Variants in MAGI2 observed in about 807,000 individuals in gnomAD.
The protein encoded by MAGI2 is membrane-associated guanylate kinase, WW and PDZ domain-containing protein 2.
MAGI2 carries 35 observed loss-of-function variants against 133.3 expected under a neutral mutation model. The ratio of observed to expected loss-of-function variants is 0.26; its 90% CI spans 0.20 to 0.35. The LOEUF (loss-of-function observed/expected upper bound fraction) is 0.35, where lower values mean the gene tolerates loss of function less well. MAGI2 is among the 10% of genes least tolerant of loss of function. The pLI is 1.00. For missense variants in MAGI2, 1,636 were observed against 1,863.4 expected (o/e 0.88, Z 2.25); for synonymous variants, 729 against 710.6 (o/e 1.03, Z -0.41).
chr7:78,305,072 CA>C (rs1469140994), intron 9 of MAGI2, among the ~76,000 whole-genome samples: 1 of 152,182 alleles, frequency 6.6e-6, no homozygotes, highest in African/African-American at 2.4e-5. Flanking sequence ...AAAACAAGAA[CA>C]ACTTTATCCT....
chr7:79,160,316 TAAAAC>T lies in MAGI2; in HGVS notation c.302-153115_302-153111del, dbSNP rs370215877. Among the ~76,000 whole-genome samples the T allele has an allele frequency of 6.2e-4, 94 of 152,066 alleles. 1 individual carries two copies. The South Asian group carries it at 0.013, about 22-fold the overall frequency. On this transcript the variant is annotated intron_variant, in intron 1 of 21. Transcript: ENST00000354212. ...TAAAATAAAGAAAAAATCATACAGA[TAAAAC>T]AAAATAAAAGAAACAATTAAGCTTG...
chr7:78,855,021 T>A (rs1239191238), intron 2 of MAGI2, among the ~76,000 whole-genome samples: 1 of 135,182 alleles, frequency 7.4e-6, no homozygotes, highest in African/African-American at 2.7e-5. Context: ...CCCAGCAAAT[T>A]TTTCTGTTTT....
chr7:78,570,145 G>A (rs1186008654), intron 3 of MAGI2, among the ~76,000 whole-genome samples: 1 of 152,104 alleles, frequency 6.6e-6, no homozygotes, highest in African/African-American at 2.4e-5. Context: ...ATTCCAACAG[G>A]GTAGAGTGGA....
chr7:79,300,309 G>C (rs1382500052), intron 1 of MAGI2, among the ~76,000 whole-genome samples: 1 of 152,170 alleles, frequency 6.6e-6, no homozygotes, highest in Non-Finnish European at 1.5e-5. Context: ...AGTGAAGTCT[G>C]GATTGCTGAG....
At chr7:78,486,865 G>A (rs1793071413) in intron 6 of MAGI2, 2 of 503,352 alleles carry the variant, frequency 4.0e-6, no homozygotes, top group African/African-American at 3.9e-5. Flanking sequence ...GTACAGAGGT[G>A]GCACAATTGC....
At chr7:78,064,101 CAG>C (rs1813563457) in intron 21 of MAGI2, among the ~76,000 whole-genome samples, 1 of 152,140 alleles carries the variant, frequency 6.6e-6, no homozygotes, top group African/African-American at 2.4e-5. Context: ...TTGTCAGAAA[CAG>C]AAATCTATCC....
chr7:79,032,465 C>CCAAGATTG (rs1018665368), intron 1 of MAGI2, among the ~76,000 whole-genome samples: 1 of 149,096 alleles, frequency 6.7e-6, no homozygotes, highest in African/African-American at 2.5e-5. Flanking sequence ...TTGCAGTGAG[C>CCAAGATTG]CAAGATTGCA....
At chr7:78,277,423 T>C (rs993484873) in intron 9 of MAGI2, among the ~76,000 whole-genome samples, 3 of 152,208 alleles carry the variant, frequency 2.0e-5, no homozygotes, top group African/African-American at 7.2e-5. Flanking sequence ...GGGCATCCAG[T>C]ACAGCAGTGA....
chr7:79,265,664 G>T (rs1311237053), intron 1 of MAGI2, among the ~76,000 whole-genome samples: 1 of 152,098 alleles, frequency 6.6e-6, no homozygotes, highest in African/African-American at 2.4e-5. Context: ...TATATTGCAT[G>T]CTACAAGTAA....
intron 15 of MAGI2, among the ~76,000 whole-genome samples, chr7:78,165,168 G>A (rs1825503481): frequency 6.6e-6 from 1 of 152,262 alleles, no homozygotes; most frequent in African/African-American, 2.4e-5. Flanking sequence ...TCACTTTTGA[G>A]AATCTAGTTT....
In MAGI2 at chr7:79,288,029, C is replaced by T. The variant is rs547573629; in HGVS notation, c.301+164991G>A. Among the ~76,000 whole-genome samples, 29 of 152,208 alleles carry T rather than the reference C, an allele frequency of 1.9e-4. 1 individual carries two copies. Among genetic ancestry groups the T allele is most frequent in the African/African-American group, 5.8e-4 (24 of 41,534 alleles). On this transcript the variant is annotated intron_variant, in intron 1 of 21. Transcript: ENST00000354212. ...ATAAGAACTATGAACATTTTAGGGT[C>T]TATCTCACCTATATTTATCAACGCA...
At chr7:79,204,911 G>A (rs1303909347) in intron 1 of MAGI2, among the ~76,000 whole-genome samples, 1 of 151,806 alleles carries the variant, frequency 6.6e-6, no homozygotes, top group Non-Finnish European at 1.5e-5. Flanking sequence ...CAGGTTATTT[G>A]AAAATATACA....
At chr7:78,045,041 C>A (rs1232849816) in intron 21 of MAGI2, among the ~76,000 whole-genome samples, 1 of 152,160 alleles carries the variant, frequency 6.6e-6, no homozygotes, top group African/African-American at 2.4e-5. Context: ...GTGGCACATG[C>A]CTGTAGTCCC....
intron 2 of MAGI2, among the ~76,000 whole-genome samples, chr7:78,957,915 T>C (rs1008566660): frequency 3.9e-5 from 6 of 152,164 alleles, no homozygotes; most frequent in African/African-American, 1.4e-4. Flanking sequence ...TACCAAAAAA[T>C]CTTACCCACA....
chr7:78,738,561 T>C (rs1341738175), intron 2 of MAGI2, among the ~76,000 whole-genome samples: 1 of 152,186 alleles, frequency 6.6e-6, no homozygotes, highest in African/African-American at 2.4e-5. Flanking sequence ...AACTGCAGGC[T>C]AATATTATAT....
chr7:78,397,961 T>C (rs1040826701), intron 6 of MAGI2, among the ~76,000 whole-genome samples: 6 of 152,142 alleles, frequency 3.9e-5, no homozygotes, highest in Non-Finnish European at 7.4e-5. Flanking sequence ...TAGAGTAGCA[T>C]GATAAGGTAA....
chr7:79,251,099 A>G (rs759325935), intron 1 of MAGI2, among the ~76,000 whole-genome samples: 4 of 152,206 alleles, frequency 2.6e-5, no homozygotes, highest in Non-Finnish European at 5.9e-5. Context: ...AAATGAATTA[A>G]AGACTTAAAT....
chr7:78,212,872 T>C (rs1451673627), intron 10 of MAGI2, among the ~76,000 whole-genome samples: 1 of 152,198 alleles, frequency 6.6e-6, no homozygotes, highest in Non-Finnish European at 1.5e-5. Flanking sequence ...AGATGGGGTT[T>C]CACCATGTTG....
intron 2 of MAGI2, among the ~76,000 whole-genome samples, chr7:78,828,886 G>T (rs576093443): frequency 6.6e-6 from 1 of 152,106 alleles, no homozygotes; most frequent in South Asian, 2.1e-4. Flanking sequence ...ATATAAAATT[G>T]GTTCTTTTTA....
Sources: gnomAD v4.1 joint callset for allele counts (sites outside exome capture counted in the v4.1 genomes callset) on GRCh38, gnomAD v4.1.1 for gene constraint, MANE v1.5 for transcripts, NCBI Gene and HGNC (gene_info 2026-07-23, HGNC 2026-07-21) for gene names.